GLT8D2: variants seen among roughly 807,000 people sequenced by gnomAD.
GLT8D2 encodes the protein glycosyltransferase 8 domain containing 2.
In GLT8D2, 45 loss-of-function variants were observed where a neutral mutation model predicts 44.5. The ratio of observed to expected loss-of-function variants is 1.01; its 90% CI spans 0.80 to 1.30. The LOEUF is 1.30. Ranked by LOEUF, GLT8D2 falls within the 50% of genes most tolerant of loss-of-function variation. GLT8D2 has a pLI of 0.00. For synonymous variants in GLT8D2, 156 were observed against 157.2 expected (o/e 0.99, Z 0.06); for missense variants, 400 against 430.4 (o/e 0.93, Z 0.62).
At chr12:104,041,380 C>T (rs1219112350) in intron 1 of GLT8D2, among the ~76,000 whole-genome samples, 1 of 152,202 alleles carries the variant, frequency 6.6e-6, no homozygotes, top group Non-Finnish European at 1.5e-5. Context: ...CACCATTGCA[C>T]TCCAGCCTGG....
At chr12:104,014,926 T>G in intron 4 of GLT8D2, 87 bp downstream of exon 4, 1 of 905,992 alleles carries the variant, frequency 1.1e-6, no homozygotes, top group Non-Finnish European at 1.8e-6. Context: ...CACTTGTCCC[T>G]GAACCCAGCT....
chr12:104,054,030 T>C (rs1273169979), upstream of GLT8D2, among the ~76,000 whole-genome samples: 2 of 152,216 alleles, frequency 1.3e-5, no homozygotes, highest in African/African-American at 4.8e-5. Flanking sequence ...GTTGACTTGA[T>C]ATGCATGTAC....
At chr12:104,019,056 T>C (rs139362630) in intron 3 of GLT8D2, among the ~76,000 whole-genome samples, 30 of 152,164 alleles carry the variant, frequency 2.0e-4, no homozygotes, top group African/African-American at 7.2e-4. Flanking sequence ...GAAAATGCAT[T>C]ATTTTTGCAA....
chr12:104,014,179 C>A, intron 4 of GLT8D2: 1 of 637,840 alleles, frequency 1.6e-6, no homozygotes, highest in East Asian at 2.8e-5. Context: ...ACCTGAGCAG[C>A]ATGGCAAAAC....
rs1873595796 is a variant in GLT8D2 at position 103,997,488 on chromosome 12, C to CACCCATA, written c.449_450insTATGGGT (p.Glu150AspfsTer11). 1 of 1,613,752 alleles carries CACCCATA rather than the reference C, an allele frequency of 6.2e-7. No homozygotes were observed. The highest frequency in any genetic ancestry group is 8.5e-7 in the Non-Finnish European group (1 of 1,179,820). On this transcript the variant is annotated frameshift_variant, in exon 7 of 11. Coordinates refer to ENST00000360814, the MANE Select transcript of GLT8D2 (RefSeq NM_001384711.1). LOFTEE classifies it high-confidence loss of function. ...CATCATCGTCCAAATAGATGACTTT[C>CACCCATA]TCGTGTTGGTGGATAAGTAGAGGGA... is the stretch of plus-strand genomic sequence containing the variant.
At chr12:104,044,930 A>G (rs1448010700) in intron 1 of GLT8D2, among the ~76,000 whole-genome samples, 20 of 152,214 alleles carry the variant, frequency 1.3e-4, no homozygotes, top group Non-Finnish European at 1.5e-5. Context: ...ACTTAATTGA[A>G]CTTCATATGT....
At chr12:104,028,559 C>T (rs907579810) in intron 1 of GLT8D2, among the ~76,000 whole-genome samples, 6 of 152,132 alleles carry the variant, frequency 3.9e-5, no homozygotes, top group Admixed American at 3.9e-4. Flanking sequence ...ATCCTAGCTG[C>T]ACAATGTATA....
chr12:104,033,832 A>AT (rs1231246953), intron 1 of GLT8D2, among the ~76,000 whole-genome samples: 1 of 149,112 alleles, frequency 6.7e-6, no homozygotes, highest in Non-Finnish European at 1.5e-5. Flanking sequence ...ATATGTATAT[A>AT]TTTTTTTTCA....
intron 4 of GLT8D2, among the ~76,000 whole-genome samples, chr12:104,011,677 TTAA>T (rs1315240521): frequency 6.6e-6 from 1 of 152,202 alleles, no homozygotes; most frequent in Non-Finnish European, 1.5e-5. Context: ...GTTCTTTGAA[TTAA>T]TGTTTTTCAA....
intron 1 of GLT8D2, among the ~76,000 whole-genome samples, chr12:104,034,331 C>T (rs1879691296): frequency 6.6e-6 from 1 of 152,214 alleles, no homozygotes; most frequent in East Asian, 1.9e-4. Flanking sequence ...CGAAGCAGGG[C>T]AGGGCATTGC....
At position 104,064,123 on chromosome 12, in the gene GLT8D2, G is replaced by C. The variant is rs1882942047; in HGVS notation, c.-597C>G. Reference sequence around the variant, plus strand: ...TCCCGCCCGCACCCTCCCGTGCGAGGTCCCCGCCCTGCGCTCCCAGCTCTT... The same window carrying C: ...TCCCGCCCGCACCCTCCCGTGCGAGCTCCCCGCCCTGCGCTCCCAGCTCTT... On this transcript the variant is annotated 5_prime_UTR_variant, in exon 1 of 11. Coordinates refer to the GLT8D2 transcript ENST00000548660. This position sits in a 1 kb window ranked among gnomAD's most constrained non-coding sequence, Gnocchi z 7.3. 6.5e-6 allele frequency: 1 copy of C among 153,200 alleles called. No individual in the cohort carries two copies. Among genetic ancestry groups the C allele is most frequent in the South Asian group, 2.1e-4 (1 of 4,862 alleles). 9.5% of individuals were successfully genotyped at this position (153,200 alleles called of 1,614,324 possible).
chr12:104,011,341 C>G (rs952455172), intron 4 of GLT8D2, among the ~76,000 whole-genome samples: 1 of 152,234 alleles, frequency 6.6e-6, no homozygotes, highest in African/African-American at 2.4e-5. Flanking sequence ...CATCACAATG[C>G]TGGCAGAATG....
intron 4 of GLT8D2, among the ~76,000 whole-genome samples, chr12:104,007,889 A>T (rs1875294543): frequency 2.0e-5 from 3 of 152,174 alleles, no homozygotes; most frequent in Admixed American, 2.0e-4. Flanking sequence ...TAGTTTTATC[A>T]GGGGTTTCTG....
Position 103,993,499 on chromosome 12 carries a change from T to C in GLT8D2, c.773A>G (p.Asn258Ser), listed in dbSNP as rs1190899207. 1 of 1,564,688 alleles carries C rather than the reference T, an allele frequency of 6.4e-7. No individual in the cohort carries two copies. The highest frequency in any genetic ancestry group is 8.6e-7 in the Non-Finnish European group (1 of 1,159,052). The stretch of plus-strand genomic sequence containing the variant: ...TCCTCCCAGGGAGCTGCTATAGAGG[T>C]TTTCCCTAAGAAATGAAATAGAAAA... Reference protein sequence around the residue: ...EKWMQKNVEENLYSSSLGGGV... With the variant: ...EKWMQKNVEESLYSSSLGGGV... Residue 258 changes from asparagine (N) to serine (S), a missense_variant, in exon 10 of 11, where the codon AAC (asparagine) becomes AGC (serine). Asn to Ser is a conservative substitution (Grantham distance 46). Transcript: ENST00000360814.
At chr12:104,026,830 T>G (rs1878641488) in intron 1 of GLT8D2, among the ~76,000 whole-genome samples, 2 of 152,214 alleles carry the variant, frequency 1.3e-5, no homozygotes, top group African/African-American at 4.8e-5. Flanking sequence ...TCAAAGTTTG[T>G]TTTAAAATTA....
Position 104,012,893 on chromosome 12 carries a change from G to A in GLT8D2, c.112+2120C>T, listed in dbSNP as rs1025461477. 2.5e-5 allele frequency: 17 copies of A among 674,740 alleles called. No homozygotes were observed. The Admixed American group carries it at 3.1e-4, about 12-fold the overall frequency. 41.8% of individuals were successfully genotyped at this position (674,740 alleles called of 1,614,324 possible). A position where few individuals can be genotyped will look rare whatever the true frequency, so the allele number is the denominator to read the frequency against. ...AGCCAGGAATGCAGCACAGAGAAAA[G>A]GCCACGTGAGGACACAGCAAGAAGG... On this transcript the variant is annotated intron_variant, in intron 4 of 10. Coordinates refer to ENST00000360814, the MANE Select transcript of GLT8D2 (RefSeq NM_001384711.1).
At chr12:104,012,811 A>G in intron 4 of GLT8D2, 1 of 699,806 alleles carries the variant, frequency 1.4e-6, no homozygotes, top group Non-Finnish European at 2.6e-6. Context: ...GCCTTATCCC[A>G]GTAAGACTGG....
intron 1 of GLT8D2, among the ~76,000 whole-genome samples, chr12:104,039,661 G>A (rs1353028676): frequency 4.6e-5 from 7 of 152,166 alleles, no homozygotes; most frequent in Admixed American, 3.9e-4. Flanking sequence ...TGCTGGAGAG[G>A]ATGTGGAGAA....
intron 4 of GLT8D2, among the ~76,000 whole-genome samples, chr12:104,003,862 C>G (rs755754337): frequency 5.3e-5 from 8 of 152,110 alleles, no homozygotes; most frequent in Non-Finnish European, 1.0e-4. Flanking sequence ...AAACCAATGA[C>G]TAATAGAAAT....
Sources: allele counts gnomAD v4.1 joint callset (sites outside exome capture counted in the v4.1 genomes callset), GRCh38; gene constraint gnomAD v4.1.1; non-coding constraint Gnocchi (gnomAD v3.1); transcripts MANE v1.5; gene names NCBI Gene and HGNC (gene_info 2026-07-23, HGNC 2026-07-21).